ZHX2: variants seen among roughly 807,000 people sequenced by gnomAD.
The protein encoded by ZHX2 is zinc fingers and homeoboxes 2.
In ZHX2, 6 loss-of-function variants were observed where a neutral mutation model predicts 21.9. The ratio of observed to expected loss-of-function variants is 0.27; its 90% CI spans 0.15 to 0.54. ZHX2 has a LOEUF of 0.54. ZHX2 is among the 20% of genes least tolerant of loss of function. The pLI, the probability that ZHX2 is intolerant of heterozygous loss-of-function variation, is 0.95. For synonymous variants in ZHX2, 434 were observed against 437.1 expected, an observed-to-expected ratio of 0.99 and a Z score of 0.09; for missense variants, 908 against 1,090.7, an observed-to-expected ratio of 0.83 and a Z score of 2.36.
intron 2 of ZHX2, among the ~76,000 whole-genome samples, chr8:122,937,453 T>G (rs1299593657): frequency 6.6e-6 from 1 of 152,178 alleles, no homozygotes; most frequent in African/African-American, 2.4e-5. Context: ...CCCCCAGTGG[T>G]GATCATAGAT....
At chr8:122,818,955 G>A (rs906290731) in intron 1 of ZHX2, among the ~76,000 whole-genome samples, 13 of 152,230 alleles carry the variant, frequency 8.5e-5, no homozygotes, top group African/African-American at 2.7e-4. Flanking sequence ...CAGCAAGCTC[G>A]CAGATAGACC....
intron 2 of ZHX2, among the ~76,000 whole-genome samples, chr8:122,867,643 G>A (rs1162518268): frequency 6.6e-6 from 1 of 152,154 alleles, no homozygotes; most frequent in African/African-American, 2.4e-5. Flanking sequence ...AGACAAAATA[G>A]TTCAGAACTA....
chr8:122,810,726 C>G (rs1024811503), intron 1 of ZHX2, among the ~76,000 whole-genome samples: 4 of 152,116 alleles, frequency 2.6e-5, no homozygotes, highest in East Asian at 1.9e-4. Context: ...AGAGTCGTGC[C>G]CATCAAAATG....
At chr8:122,961,410 C>CA in intron 3 of ZHX2, among the ~76,000 whole-genome samples, 1 of 152,292 alleles carries the variant, frequency 6.6e-6, no homozygotes, top group African/African-American at 2.4e-5. Context: ...ATAATGCTTA[C>CA]AAACAGTTGT....
intron 2 of ZHX2, among the ~76,000 whole-genome samples, chr8:122,916,977 T>C (rs964046854): frequency 2.4e-4 from 36 of 152,224 alleles, no homozygotes; most frequent in African/African-American, 8.7e-4. Flanking sequence ...CATTCACAAC[T>C]GTGCCTGGCT....
Position 122,953,866 on chromosome 8 carries a change from G to C in ZHX2, c.2356G>C (p.Glu786Gln). The stretch of plus-strand genomic sequence containing the variant: ...GGACGGCCAGGGTAGCGACGAGAAC[G>C]AGGAGTCGAGCGTTGTGGATTACGT... ...SRDGQGSDEN[E>Q]ESSVVDYVEV... The change falls in exon 3 of 4, where the codon GAG (glutamate) becomes CAG (glutamine). Residue 786 changes from glutamate (E) to glutamine (Q), a missense_variant. Coordinates refer to ENST00000314393, the MANE Select transcript of ZHX2 (RefSeq NM_014943.5). The surrounding 1 kb of genome is among the most constrained non-coding windows in gnomAD (Gnocchi z 4.6). The C allele has an allele frequency of 5.6e-6, 9 of 1,614,222 alleles. No individual in the cohort carries two copies. The highest frequency in any genetic ancestry group is 7.6e-6 in the Non-Finnish European group (9 of 1,180,014).
Position 122,953,872 on chromosome 8 carries a change from TCGAGCGTTGTGGATTA to T in ZHX2, c.2365_2380del (p.Ser789TrpfsTer3), listed in dbSNP as rs749521452. 5 of 1,613,658 alleles carry T rather than the reference TCGAGCGTTGTGGATTA, an allele frequency of 3.1e-6. No individual in the cohort carries two copies. The highest frequency in any genetic ancestry group is 1.3e-5 in the African/African-American group (1 of 74,780). On this transcript the variant is annotated frameshift_variant, in exon 3 of 4. Coordinates refer to ENST00000314393, the MANE Select transcript of ZHX2 (RefSeq NM_014943.5). LOFTEE classifies it low-confidence loss of function (END_TRUNC). The surrounding 1 kb of genome is among the most constrained non-coding windows in gnomAD (Gnocchi z 4.6). ...CCAGGGTAGCGACGAGAACGAGGAGTCGAGCGTTGTGGATTACGTGGAGGTGACGGTCGGGGAGGAG... is the reference window on the plus strand; with the variant it reads ...CCAGGGTAGCGACGAGAACGAGGAGTCGTGGAGGTGACGGTCGGGGAGGAG...
chr8:122,960,487 G>A (rs1367666255), intron 3 of ZHX2, among the ~76,000 whole-genome samples: 5 of 152,082 alleles, frequency 3.3e-5, no homozygotes, highest in Admixed American at 2.0e-4. Flanking sequence ...ACAGTGAGCC[G>A]AGATCGCACA....
chr8:122,944,074 G>T (rs1452041807), intron 2 of ZHX2, among the ~76,000 whole-genome samples: 2 of 152,146 alleles, frequency 1.3e-5, no homozygotes, highest in South Asian at 2.1e-4. Flanking sequence ...AGGTTCCTTT[G>T]ATAGGAGTCA....
intron 1 of ZHX2, among the ~76,000 whole-genome samples, chr8:122,858,638 C>CTTTTTTTTTTTTTTTTTTTT (rs34399149): frequency 1.2e-5 from 1 of 82,734 alleles, no homozygotes; most frequent in Non-Finnish European, 2.5e-5. Flanking sequence ...TTCTTTCTTT[C>CTTTTTTTTTTTTTTTTTTTT]TTTTTTTTTT....
intron 1 of ZHX2, among the ~76,000 whole-genome samples, chr8:122,784,168 G>T (rs527818786): frequency 6.6e-6 from 1 of 152,216 alleles, no homozygotes; most frequent in African/African-American, 2.4e-5. Flanking sequence ...GGCCCCACCC[G>T]GCGTTTCTCA....
rs191386595 is a variant in ZHX2, at chr8:122,915,579, A to T, written c.-219-35713A>T. Among the ~76,000 whole-genome samples the T allele has an allele frequency of 3.9e-5, 6 of 152,298 alleles. No homozygotes were observed. The East Asian group carries it at 1.2e-3, about 29-fold the overall frequency. ...AATCGTTCATCTCTTTCTGCTTTTG[A>T]TTCCTTGGCTTCACGCTGCAAGAAA... On this transcript the variant is annotated intron_variant, in intron 2 of 3. Transcript: ENST00000314393.
In ZHX2 at chr8:122,956,192, A is replaced by G. The variant is rs1032264420; in HGVS notation, c.*4+2164A>G. On this transcript the variant is annotated intron_variant, in intron 3 of 3. Coordinates refer to ENST00000314393, the MANE Select transcript of ZHX2 (RefSeq NM_014943.5). The stretch of plus-strand genomic sequence containing the variant: ...TTTCCCATCCATGACACGTGTCTAC[A>G]TGGTTGCTTTTTCCTCCCACCCCAG... Among the ~76,000 whole-genome samples the G allele has an allele frequency of 4.6e-5, 7 of 152,096 alleles. No individual in the cohort carries two copies. In the East Asian group the frequency reaches 9.7e-4, roughly 21 times the overall value.
intron 1 of ZHX2, among the ~76,000 whole-genome samples, chr8:122,852,358 G>GTTTCAGAA (rs1818920731): frequency 6.6e-6 from 1 of 151,932 alleles, no homozygotes; most frequent in Non-Finnish European, 1.5e-5. Flanking sequence ...ATCCTAGAAG[G>GTTTCAGAA]TGCAAGGCAC....
chr8:122,969,714 C>A (rs1586434108), intron 3 of ZHX2, among the ~76,000 whole-genome samples: 1 of 152,064 alleles, frequency 6.6e-6, no homozygotes, highest in Non-Finnish European at 1.5e-5. Context: ...AGCAATAAAC[C>A]TTGCTACACC....
chr8:122,950,640 A>T (rs1158574473), intron 2 of ZHX2, among the ~76,000 whole-genome samples: 7 of 152,112 alleles, frequency 4.6e-5, no homozygotes, highest in Non-Finnish European at 7.4e-5. Flanking sequence ...TATCCCTACA[A>T]TGTACTAACA....
At chr8:122,852,665 C>T (rs1328916820) in intron 1 of ZHX2, among the ~76,000 whole-genome samples, 1 of 152,046 alleles carries the variant, frequency 6.6e-6, no homozygotes, top group East Asian at 1.9e-4. Context: ...GCTTTTGAGA[C>T]CGAGAATCTG....
intron 1 of ZHX2, among the ~76,000 whole-genome samples, chr8:122,790,201 G>A (rs996051567): frequency 2.6e-5 from 4 of 152,132 alleles, no homozygotes; most frequent in Non-Finnish European, 5.9e-5. Context: ...GAATGCTCTA[G>A]CTGAAAAAAA....
intron 2 of ZHX2, among the ~76,000 whole-genome samples, chr8:122,881,396 G>T (rs967950366): frequency 2.0e-5 from 3 of 152,040 alleles, no homozygotes; most frequent in African/African-American, 7.2e-5. Flanking sequence ...TGAGACTTTG[G>T]GCCAAGTTAT....
Sources: gnomAD v4.1 joint callset for allele counts (sites outside exome capture counted in the v4.1 genomes callset) on GRCh38, gnomAD v4.1.1 for gene constraint, Gnocchi (gnomAD v3.1) non-coding constraint, MANE v1.5 for transcripts, NCBI Gene and HGNC (gene_info 2026-07-23, HGNC 2026-07-21) for gene names.